Variants in PRLR observed in about 807,000 individuals in gnomAD.
PRLR encodes the protein hPRL receptor.
In PRLR, 13 loss-of-function variants were observed where a neutral mutation model predicts 40.2. The observed-to-expected ratio is 0.32, with a 90% CI of 0.21 to 0.51. PRLR has a LOEUF of 0.51. Ranked by LOEUF, PRLR falls within the 20% of genes least tolerant of loss-of-function variation. PRLR has a pLI of 0.97. For missense variants in PRLR, 656 were observed against 747.3 expected (o/e 0.88, Z 1.42); for synonymous variants, 269 against 278.7 (o/e 0.97, Z 0.35).
At chr5:35,053,429 G>A (rs1236070307), downstream of PRLR, among the ~76,000 whole-genome samples, 1 of 152,198 alleles carries the variant, frequency 6.6e-6, no homozygotes, top group Non-Finnish European at 1.5e-5. Context: ...GAGGCCGGCG[G>A]ATCACCTGAG....
chr5:35,101,739 T>C (rs1398661304), intron 2 of PRLR, among the ~76,000 whole-genome samples: 1 of 148,412 alleles, frequency 6.7e-6, no homozygotes, highest in African/African-American at 2.4e-5. Context: ...ATATAAAACA[T>C]ATATATAACA....
chr5:35,101,568 A>C (rs908081936), intron 2 of PRLR, among the ~76,000 whole-genome samples: 1 of 152,150 alleles, frequency 6.6e-6, no homozygotes, highest in Non-Finnish European at 1.5e-5. Flanking sequence ...TCAACTAGCA[A>C]GGCAATAATA....
In PRLR at chr5:35,062,279, G is replaced by A. The variant is rs1473172174; in HGVS notation, c.*2810C>T. 6.6e-6 allele frequency: 1 copy of A among 152,152 alleles called. No individual in the cohort carries two copies. The highest frequency in any genetic ancestry group is 2.4e-5 in the African/African-American group (1 of 41,428). 9.4% of individuals were successfully genotyped at this position (152,152 alleles called of 1,614,324 possible). A position where few individuals can be genotyped will look rare whatever the true frequency, so the allele number is the denominator to read the frequency against. On this transcript the variant is annotated 3_prime_UTR_variant, in exon 10 of 10. Transcript: ENST00000618457. ...GGAGTCAGTTTCAAAGGACCTTAGA[G>A]GTTATCTGGTCCAACATCTTCAGAG...
At chr5:35,113,813 G>T (rs1234791630) in intron 2 of PRLR, among the ~76,000 whole-genome samples, 3 of 152,240 alleles carry the variant, frequency 2.0e-5, no homozygotes, top group Non-Finnish European at 4.4e-5. Flanking sequence ...TGCCTGGGGA[G>T]GCTGCTTCGG....
At chr5:35,227,105 G>A (rs560125317) in intron 1 of PRLR, among the ~76,000 whole-genome samples, 26 of 152,382 alleles carry the variant, frequency 1.7e-4, no homozygotes, top group Non-Finnish European at 3.2e-4. Flanking sequence ...CCAATCTTGA[G>A]TCTAATGGCT....
chr5:35,180,923 C>G (rs1485469833), intron 1 of PRLR, among the ~76,000 whole-genome samples: 1 of 152,180 alleles, frequency 6.6e-6, no homozygotes, highest in Non-Finnish European at 1.5e-5. Flanking sequence ...TCAGATATTT[C>G]TTTATAGCAC....
intron 5 of PRLR, among the ~76,000 whole-genome samples, chr5:35,078,981 A>G (rs918125446): frequency 2.6e-5 from 4 of 152,230 alleles, no homozygotes; most frequent in African/African-American, 9.6e-5. Context: ...CAATAGATGC[A>G]GAAAAGGCCT....
chr5:35,150,474 A>G (rs1287196733), intron 1 of PRLR, among the ~76,000 whole-genome samples: 2 of 152,178 alleles, frequency 1.3e-5, no homozygotes, highest in African/African-American at 4.8e-5. Flanking sequence ...TAAAACAACA[A>G]CAAACAGAAT....
chr5:35,131,425 G>A (rs532749658), intron 1 of PRLR, among the ~76,000 whole-genome samples: 22 of 152,240 alleles, frequency 1.4e-4, no homozygotes, highest in Middle Eastern at 6.8e-3. Context: ...TAGTGGTGGC[G>A]GGCTGGACAG....
At chr5:35,095,718 C>A (rs906794448) in intron 2 of PRLR, among the ~76,000 whole-genome samples, 28 of 152,186 alleles carry the variant, frequency 1.8e-4, no homozygotes, top group African/African-American at 6.8e-4. Context: ...TTATCATCAC[C>A]ATTATCCAGT....
intron 2 of PRLR, among the ~76,000 whole-genome samples, chr5:35,111,093 T>C (rs1579673462): frequency 6.6e-6 from 1 of 152,288 alleles, no homozygotes; most frequent in East Asian, 1.9e-4. Flanking sequence ...AGGTATTCAA[T>C]AAATGGTTCT....
chr5:35,076,618 T>C (rs1350882377), intron 5 of PRLR, among the ~76,000 whole-genome samples: 1 of 152,132 alleles, frequency 6.6e-6, no homozygotes, highest in Admixed American at 6.5e-5. Context: ...TGGAAAACAC[T>C]CTGCAGGATA....
At chr5:35,212,737 C>G (rs1252599438) in intron 1 of PRLR, among the ~76,000 whole-genome samples, 1 of 152,108 alleles carries the variant, frequency 6.6e-6, no homozygotes, top group East Asian at 1.9e-4. Context: ...AACATTGAAT[C>G]CCCTAGCGAA....
chr5:35,204,249 A>AAC (rs1352057359), intron 1 of PRLR, among the ~76,000 whole-genome samples: 4 of 151,714 alleles, frequency 2.6e-5, no homozygotes, highest in Non-Finnish European at 5.9e-5. Context: ...GAAAAAAAAA[A>AAC]CATAAAAACA....
chr5:35,169,416 CT>C lies in PRLR; in HGVS notation c.-105-51295del, dbSNP rs748781610. Reference sequence around the variant, plus strand: ...AATTTCTGCATTCTAACTCTGGTTTCTGAGAATGGCCCAGGAAATCTCAAGA... The same window carrying C: ...AATTTCTGCATTCTAACTCTGGTTTCGAGAATGGCCCAGGAAATCTCAAGA... On this transcript the variant is annotated intron_variant, in intron 1 of 9. Coordinates refer to ENST00000618457, the MANE Select transcript of PRLR (RefSeq NM_000949.7). Among the ~76,000 whole-genome samples, 138 of 152,276 alleles carry C rather than the reference CT, an allele frequency of 9.1e-4. 2 individuals are homozygous for C. Among genetic ancestry groups the C allele is most frequent in the South Asian group, 3.9e-3 (19 of 4,824 alleles).
At chr5:35,164,415 C>T (rs868660325) in intron 1 of PRLR, among the ~76,000 whole-genome samples, 3 of 152,094 alleles carry the variant, frequency 2.0e-5, no homozygotes, top group Admixed American at 1.3e-4. Context: ...AAAGCTTATA[C>T]ATAAAAAATG....
intron 1 of PRLR, among the ~76,000 whole-genome samples, chr5:35,161,822 G>A (rs1390146784): frequency 2.0e-5 from 3 of 152,208 alleles, no homozygotes; most frequent in East Asian, 1.9e-4. Context: ...CCAGATACAC[G>A]TTGGAAAATA....
intron 1 of PRLR, among the ~76,000 whole-genome samples, chr5:35,205,672 C>T (rs974378585): frequency 1.3e-5 from 2 of 152,056 alleles, no homozygotes; most frequent in East Asian, 3.9e-4. Flanking sequence ...AAGAAAAAGC[C>T]CCTAAAGAAG....
chr5:35,077,219 C>G (rs1431496322), intron 5 of PRLR, among the ~76,000 whole-genome samples: 1 of 152,084 alleles, frequency 6.6e-6, no homozygotes, highest in Admixed American at 6.6e-5. Flanking sequence ...TGTAAATGGG[C>G]TAAATGCTCC....
Sources: allele counts gnomAD v4.1 joint callset (sites outside exome capture counted in the v4.1 genomes callset), GRCh38; gene constraint gnomAD v4.1.1; transcripts MANE v1.5; gene names NCBI Gene and HGNC (gene_info 2026-07-23, HGNC 2026-07-21).